The following PDE1C variants were observed in gnomAD, a reference collection of about 807,000 sequenced individuals.
PDE1C encodes dual specificity calcium/calmodulin-dependent 3',5'-cyclic nucleotide phosphodiesterase 1C.
A neutral mutation model predicts 93.1 loss-of-function variants in PDE1C; 62 were observed. That is an observed-to-expected ratio of 0.67 (90% CI 0.54 to 0.82). PDE1C has a LOEUF of 0.82. Among genes scored for constraint, PDE1C ranks in the 40% least tolerant of loss-of-function variants. PDE1C has a pLI of 0.00. For synonymous variants in PDE1C, 325 were observed against 310.1 expected (o/e 1.05, Z -0.50); for missense variants, 742 against 884.6 (o/e 0.84, Z 2.04).
intron 2 of PDE1C, among the ~76,000 whole-genome samples, chr7:32,190,909 T>C (rs1362512351): frequency 6.6e-6 from 1 of 152,028 alleles, no homozygotes; most frequent in Non-Finnish European, 1.5e-5. Context: ...TTTTGAGAAA[T>C]GAGTGGGTTT....
chr7:32,136,965 T>C (rs1800244405), intron 3 of PDE1C, among the ~76,000 whole-genome samples: 1 of 152,222 alleles, frequency 6.6e-6, no homozygotes, highest in Admixed American at 6.5e-5. Context: ...CCCAGGAGAT[T>C]TTCTTTTTAA....
Position 32,142,943 on chromosome 7 carries a change from A to T in PDE1C, c.308+26842T>A, listed in dbSNP as rs138565153. 2.4e-3 allele frequency among the ~76,000 whole-genome samples: 363 copies of T among 152,284 alleles called. 2 individuals are homozygous for T. Among genetic ancestry groups the T allele is most frequent in the African/African-American group, 8.5e-3 (354 of 41,550 alleles). On this transcript the variant is annotated intron_variant, in intron 3 of 18. Coordinates refer to the PDE1C transcript ENST00000396193. ...CATTTTAGGGTAGTTCAAAGTGTGG[A>T]GAGACCAGTTCAACTGGCAAATAGC...
In PDE1C at chr7:31,753,172, G is replaced by T. The variant is rs1794219521; in HGVS notation, c.*212C>A. 2.3e-6 allele frequency: 1 copy of T among 440,740 alleles called. No homozygotes were observed. Among genetic ancestry groups the T allele is most frequent in the African/African-American group, 2.0e-5 (1 of 49,764 alleles). 27.3% of individuals were successfully genotyped at this position (440,740 alleles called of 1,614,324 possible). A position where few individuals can be genotyped will look rare whatever the true frequency, so the allele number is the denominator to read the frequency against. ...TTGCTAGTTTGTTGCTGGCGTCTGG[G>T]CTGATCCCACATACAGCAATTGAAA... is the stretch of plus-strand genomic sequence containing the variant. On this transcript the variant is annotated 3_prime_UTR_variant, in exon 18 of 18. Transcript: ENST00000396191.
chr7:32,329,093 G>T (rs1331403971), intron 1 of PDE1C, among the ~76,000 whole-genome samples: 1 of 152,112 alleles, frequency 6.6e-6, no homozygotes, highest in African/African-American at 2.4e-5. Flanking sequence ...TTAGTCAGGT[G>T]TGGTGGCATA....
chr7:31,893,200 T>G (rs2128904076), intron 2 of PDE1C, among the ~76,000 whole-genome samples: 1 of 152,348 alleles, frequency 6.6e-6, no homozygotes, highest in Middle Eastern at 3.4e-3. Flanking sequence ...GACGGTGTTT[T>G]GTTGTATAGT....
chr7:31,900,642 T>G (rs567319173), intron 2 of PDE1C, among the ~76,000 whole-genome samples: 1 of 151,914 alleles, frequency 6.6e-6, no homozygotes, highest in South Asian at 2.1e-4. Flanking sequence ...GCTCGGTAAT[T>G]TTATACATAT....
chr7:32,255,730 TAGAA>T (rs1016063826), intron 1 of PDE1C, among the ~76,000 whole-genome samples: 2 of 152,070 alleles, frequency 1.3e-5, no homozygotes, highest in African/African-American at 4.8e-5. Flanking sequence ...ACACCCCAAA[TAGAA>T]AGAAAAGTAC....
chr7:32,254,343 A>G (rs1422117814), intron 1 of PDE1C, among the ~76,000 whole-genome samples: 2 of 152,208 alleles, frequency 1.3e-5, no homozygotes, highest in Non-Finnish European at 2.9e-5. Context: ...TGGAACTGAC[A>G]GGTCCAGGAA....
Position 31,812,368 on chromosome 7 carries a change from CCT to C in PDE1C, c.1814-3262_1814-3261del, listed in dbSNP as rs1189015775. On this transcript the variant is annotated intron_variant, in intron 15 of 17. Coordinates refer to ENST00000396191, the MANE Select transcript of PDE1C (RefSeq NM_001191057.4). ...TCTGCCCTCTCTGGGTCTTTGTTTC[CCT>C]ATGGTAGAATTCATATCCTTCTTTG... is the stretch of plus-strand genomic sequence containing the variant. Among the ~76,000 whole-genome samples the C allele has an allele frequency of 2.6e-5, 4 of 152,032 alleles. No individual in the cohort carries two copies. In the East Asian group the frequency reaches 5.8e-4, roughly 22 times the overall value.
At chr7:31,886,321 C>T (rs576291488) in intron 2 of PDE1C, among the ~76,000 whole-genome samples, 7 of 152,290 alleles carry the variant, frequency 4.6e-5, no homozygotes, top group Admixed American at 4.6e-4. Context: ...AATGGGATGC[C>T]CCAACATGAC....
At chr7:32,357,050 T>C (rs913955182) in intron 1 of PDE1C, among the ~76,000 whole-genome samples, 19 of 152,170 alleles carry the variant, frequency 1.2e-4, no homozygotes, top group Non-Finnish European at 2.2e-4. Flanking sequence ...ATAAAAACTT[T>C]AGGCCGGGCT....
At chr7:31,903,301 T>C (rs1474926993) in intron 2 of PDE1C, among the ~76,000 whole-genome samples, 5 of 151,920 alleles carry the variant, frequency 3.3e-5, no homozygotes, top group African/African-American at 1.2e-4. Flanking sequence ...ATCAGAAAAA[T>C]ATCTGAAGTT....
chr7:31,953,370 T>C (rs1350950681), intron 2 of PDE1C, among the ~76,000 whole-genome samples: 1 of 152,188 alleles, frequency 6.6e-6, no homozygotes, highest in Admixed American at 6.5e-5. Context: ...AGGGAGGCTT[T>C]GGATTCTTCA....
chr7:31,677,642 A>G, the PDE1C span, among the ~76,000 whole-genome samples: 1 of 152,206 alleles, frequency 6.6e-6, no homozygotes, highest in African/African-American at 2.4e-5. Context: ...ATTATTACAT[A>G]CTTTCCAAAT....
intron 2 of PDE1C, among the ~76,000 whole-genome samples, chr7:32,029,147 C>T (rs1461816655): frequency 6.6e-6 from 1 of 152,092 alleles, no homozygotes; most frequent in African/African-American, 2.4e-5. Context: ...AAAACAAATT[C>T]ACATTGTTAA....
chr7:31,976,154 A>G (rs1419670232), intron 2 of PDE1C, among the ~76,000 whole-genome samples: 1 of 152,232 alleles, frequency 6.6e-6, no homozygotes, highest in Admixed American at 6.5e-5. Flanking sequence ...ACAAATTAAC[A>G]TACAATCTGG....
At chr7:31,744,133 A>G in the PDE1C span, among the ~76,000 whole-genome samples, 3 of 152,264 alleles carry the variant, frequency 2.0e-5, no homozygotes, top group Middle Eastern at 3.4e-3. Flanking sequence ...CATATGTAAA[A>G]TATCATGGAT....
intron 3 of PDE1C, among the ~76,000 whole-genome samples, chr7:32,161,075 A>G (rs1801891175): frequency 6.6e-6 from 1 of 152,190 alleles, no homozygotes. Context: ...GAGGTTCGTG[A>G]GCTAAACCAT....
At chr7:31,739,417 G>A in the PDE1C span, among the ~76,000 whole-genome samples, 1 of 152,116 alleles carries the variant, frequency 6.6e-6, no homozygotes, top group Non-Finnish European at 1.5e-5. Context: ...GTTTTATAAA[G>A]GCTCCTGGAA....
Sources: gnomAD v4.1 joint callset for allele counts (sites outside exome capture counted in the v4.1 genomes callset) on GRCh38, gnomAD v4.1.1 for gene constraint, MANE v1.5 for transcripts, NCBI Gene and HGNC (gene_info 2026-07-23, HGNC 2026-07-21) for gene names.